BRD8: variants seen among roughly 807,000 people sequenced by gnomAD.
BRD8 encodes bromodomain containing 8.
A neutral mutation model predicts 143.1 loss-of-function variants in BRD8; 67 were observed. That is an observed-to-expected ratio of 0.47 (90% CI 0.38 to 0.57). The LOEUF (loss-of-function observed/expected upper bound fraction) is 0.57. Ranked by LOEUF, BRD8 falls within the 20% of genes least tolerant of loss-of-function variation. The pLI, the probability that BRD8 is intolerant of heterozygous loss-of-function variation, is 0.00. For synonymous variants in BRD8, 505 were observed against 517.1 expected (o/e 0.98, Z 0.32); for missense variants, 1,103 against 1,503.0 (o/e 0.73, Z 4.40).
chr5:138,149,583 A>T, intron 23 of BRD8, 57 bp downstream of exon 23: 2 of 1,386,742 alleles, frequency 1.4e-6, no homozygotes, highest in Non-Finnish European at 9.5e-7. Context: ...TCATGATTCA[A>T]ATAGGCATAA....
Position 138,166,537 on chromosome 5 carries a change from A to C in BRD8, c.978T>G (p.Thr326=). 6.2e-7 allele frequency: 1 copy of C among 1,612,644 alleles called. No homozygotes were observed. The highest frequency in any genetic ancestry group is 8.5e-7 in the Non-Finnish European group (1 of 1,179,072). The change falls in exon 10 of 27, where the codon ACT becomes ACG. Residue 326 remains threonine (T), a synonymous_variant. Transcript: ENST00000254900. ...ACGCACCTGGAGCTACACTTTCAGT[A>C]GTGGAGACAGCCGGAGCAGAGGATG... The part of the protein sequence containing the change: ...PAPSSAPAVS[T]TESVAPVSQP...
At chr5:138,162,415 C>T (rs1445328200) in intron 15 of BRD8, among the ~76,000 whole-genome samples, 2 of 151,912 alleles carry the variant, frequency 1.3e-5, no homozygotes, top group Admixed American at 6.6e-5. Context: ...AGGCTGGTCT[C>T]GAACTCCTGG....
In BRD8 at chr5:138,145,860, A is replaced by C. The variant is rs1291144674; in HGVS notation, c.3297T>G (p.Asp1099Glu). Residue 1099 changes from aspartate (D) to glutamate (E), a missense_variant, in exon 24 of 27, where the codon GAT becomes GAG. This residue lies in a region of BRD8 where 369 missense variants were observed against 445.5 expected (regional missense o/e 0.83). Transcript: ENST00000254900. ...ATAGCAAATGATCCTGAACAGGGTC[A>C]TCCTGGCTTAGATCAGTCCTATGAG... Reference protein sequence around the residue: ...TSSKLTDLSQDDPVQDHLLFK... With the variant: ...TSSKLTDLSQEDPVQDHLLFK... The C allele has an allele frequency of 2.5e-6, 4 of 1,613,994 alleles. No homozygotes were observed. Among genetic ancestry groups the C allele is most frequent in the Non-Finnish European group, 3.4e-6 (4 of 1,179,890 alleles).
intron 17 of BRD8, among the ~76,000 whole-genome samples, chr5:138,161,447 T>C (rs983990950): frequency 2.0e-5 from 3 of 152,036 alleles, no homozygotes; most frequent in African/African-American, 4.8e-5. Flanking sequence ...TCCCAGGTAG[T>C]TGGGACTACA....
intron 15 of BRD8, among the ~76,000 whole-genome samples, chr5:138,162,476 G>A (rs1382726441): frequency 6.6e-6 from 1 of 151,994 alleles, no homozygotes; most frequent in African/African-American, 2.4e-5. Context: ...GATTACAGGT[G>A]TGAGCCACTA....
chr5:138,166,521 G>A lies in BRD8; in HGVS notation c.994C>T (p.Pro332Ser). The change falls in exon 10 of 27, where the codon CCA becomes TCA. Residue 332 changes from proline (P) to serine (S), a missense_variant. Physicochemically the swap from Pro to Ser is moderately conservative, Grantham distance 74. Coordinates refer to ENST00000254900, the MANE Select transcript of BRD8 (RefSeq NM_139199.2). ...PAVSTTESVA[P>S]VSQPDNCVPM... ...TAGTGGCTGCTCAGGGACGCACCTGGAGCTACACTTTCAGTAGTGGAGACA... is the reference window on the plus strand; with the variant it reads ...TAGTGGCTGCTCAGGGACGCACCTGAAGCTACACTTTCAGTAGTGGAGACA... The A allele has an allele frequency of 6.2e-7, 1 of 1,605,682 alleles. No individual in the cohort carries two copies. The highest frequency in any genetic ancestry group is 1.1e-5 in the South Asian group (1 of 90,252).
intron 25 of BRD8, among the ~76,000 whole-genome samples, chr5:138,142,615 T>C (rs2151178487): frequency 6.6e-6 from 1 of 151,622 alleles, no homozygotes; most frequent in Non-Finnish European, 1.5e-5. Flanking sequence ...ATACAAAAAT[T>C]AGCTGGGCGT....
chr5:138,169,780 G>A (rs916551518), intron 7 of BRD8, among the ~76,000 whole-genome samples: 1 of 152,232 alleles, frequency 6.6e-6, no homozygotes, highest in Non-Finnish European at 1.5e-5. Context: ...ACCAGCCTGC[G>A]AAACCCCATC....
intron 25 of BRD8, among the ~76,000 whole-genome samples, chr5:138,142,141 G>A (rs988479398): frequency 6.6e-6 from 1 of 152,176 alleles, no homozygotes; most frequent in Non-Finnish European, 1.5e-5. Flanking sequence ...ATATCGAAGA[G>A]AGTGCCCTCT....
chr5:138,161,922 C>G, intron 16 of BRD8, 58 bp from the exon 17 acceptor site: 1 of 1,597,286 alleles, frequency 6.3e-7, no homozygotes, highest in Non-Finnish European at 8.6e-7. Flanking sequence ...AGGGAGGGAA[C>G]TTACTCTAAG....
chr5:138,167,373 G>C lies in BRD8; in HGVS notation c.787+561C>G, dbSNP rs552815324. 2.4e-4 allele frequency among the ~76,000 whole-genome samples: 36 copies of C among 152,240 alleles called. No homozygotes were observed. The South Asian group carries it at 5.4e-3, about 23-fold the overall frequency. ...TATGAATAAATCTGTCGCTTCTGCT[G>C]AAGTTCAGCATATTGTAAACCACCC... On this transcript the variant is annotated intron_variant, in intron 9 of 26. Coordinates refer to ENST00000254900, the MANE Select transcript of BRD8 (RefSeq NM_139199.2).
At chr5:138,160,218 T>C in intron 18 of BRD8, 45 bp from the exon 19 acceptor site, 1 of 1,331,932 alleles carries the variant, frequency 7.5e-7, no homozygotes, top group East Asian at 2.3e-5. Flanking sequence ...CCTGATTTAG[T>C]AGGGACAAAT....
intron 9 of BRD8, 95 bp from the exon 10 acceptor site, chr5:138,166,822 G>C (rs762919960): frequency 3.0e-5 from 23 of 756,304 alleles, no homozygotes; most frequent in Non-Finnish European, 4.9e-5. Context: ...AAATTCTTAT[G>C]GTCTCAAAGG....
intron 2 of BRD8, 119 bp from the exon 3 acceptor site, chr5:138,172,253 G>A (rs918410075): frequency 1.5e-4 from 107 of 733,586 alleles, no homozygotes; most frequent in Admixed American, 3.5e-4. Flanking sequence ...GGCCAGGCGC[G>A]GTGGCTCACG....
Position 138,164,383 on chromosome 5 carries a change from G to T in BRD8, c.1762C>A (p.His588Asn). The T allele has an allele frequency of 6.2e-7, 1 of 1,614,162 alleles. No individual in the cohort carries two copies. The highest frequency in any genetic ancestry group is 1.1e-5 in the South Asian group (1 of 91,080). ...GGATCTTCAATGGGATTTGAGCCAT[G>T]TGATGGAGACAACATGCTTTCAGGG... ...ASPESMLSPS[H>N]GSNPIEDPLE... The change falls in exon 13 of 27, where the codon CAT becomes AAT. Residue 588 changes from histidine to asparagine, a missense_variant. Coordinates refer to ENST00000254900, the MANE Select transcript of BRD8 (RefSeq NM_139199.2).
intron 23 of BRD8, among the ~76,000 whole-genome samples, chr5:138,146,823 A>C (rs1752170793): frequency 6.6e-6 from 1 of 150,896 alleles, no homozygotes; most frequent in Non-Finnish European, 1.5e-5. Context: ...ACAAAAAATT[A>C]GCTGGGCGTG....
chr5:138,140,550 G>C lies in BRD8; in HGVS notation c.3615+155C>G, dbSNP rs974933659. ...CAGAGCTGGACTTACTGAGGCTCAGGGTTTTCCAAACCAGCAGGCACATTA... is the reference window on the plus strand; with the variant it reads ...CAGAGCTGGACTTACTGAGGCTCAGCGTTTTCCAAACCAGCAGGCACATTA... On this transcript the variant is annotated intron_variant, in intron 26 of 26. Transcript: ENST00000254900. 318 of 845,344 alleles carry C rather than the reference G, an allele frequency of 3.8e-4. 2 individuals are homozygous for C. Among genetic ancestry groups the C allele is most frequent in the Middle Eastern group, 2.5e-4 (1 of 3,986 alleles). 52.4% of individuals were successfully genotyped at this position (845,344 alleles called of 1,614,324 possible). A position where few individuals can be genotyped will look rare whatever the true frequency, so the allele number is the denominator to read the frequency against.
intron 10 of BRD8, 24 bp downstream of exon 10, chr5:138,166,494 T>A (rs146949871): frequency 0.033 from 49,577 of 1,521,492 alleles, 1,001 homozygotes; most frequent in Non-Finnish European, 0.036. Context: ...AAATTTTAGA[T>A]CTAGTGGCTG....
At chr5:138,168,565 T>C (rs1753623309) in intron 8 of BRD8, 2 of 1,610,168 alleles carry the variant, frequency 1.2e-6, no homozygotes, top group East Asian at 2.2e-5. Flanking sequence ...AGCATCTTTT[T>C]CTGGGGTGAA....
Sources: gnomAD v4.1 joint callset for allele counts (sites outside exome capture counted in the v4.1 genomes callset) on GRCh38, gnomAD v4.1.1 for gene constraint, gnomAD v4.1.1 regional missense constraint, MANE v1.5 for transcripts, NCBI Gene and HGNC (gene_info 2026-07-23, HGNC 2026-07-21) for gene names.